The following MOXD1 variants were observed in gnomAD, a reference collection of about 807,000 sequenced individuals.
MOXD1 encodes the protein DBH-like monooxygenase protein 1.
Under a neutral mutation model 66.6 loss-of-function variants are expected in MOXD1, and 62 were observed. That is an observed-to-expected ratio of 0.93 (90% CI 0.76 to 1.15). MOXD1 has a LOEUF of 1.15. MOXD1 is among the 50% of genes most tolerant of loss of function. The pLI, the probability that MOXD1 is intolerant of heterozygous loss-of-function variation, is 0.00. For missense variants in MOXD1, 847 were observed against 754.6 expected, an observed-to-expected ratio of 1.12 and a Z score of -1.44; for synonymous variants, 303 against 281.9, an observed-to-expected ratio of 1.07 and a Z score of -0.75.
chr6:132,346,075 T>C (rs532614808), intron 4 of MOXD1, among the ~76,000 whole-genome samples: 143 of 152,184 alleles, frequency 9.4e-4, no homozygotes, highest in Middle Eastern at 3.4e-3. Flanking sequence ...GGGGGGATTT[T>C]TTTTAATGAT....
chr6:132,305,438 G>T (rs1316653454), intron 10 of MOXD1, among the ~76,000 whole-genome samples: 3 of 152,232 alleles, frequency 2.0e-5, no homozygotes, highest in Non-Finnish European at 4.4e-5. Context: ...CTTTCCTCCT[G>T]GTAGCTCTGA....
intron 4 of MOXD1, among the ~76,000 whole-genome samples, chr6:132,349,729 A>T (rs1469927178): frequency 1.3e-5 from 2 of 151,860 alleles, no homozygotes; most frequent in Non-Finnish European, 2.9e-5. Context: ...ACTAGTTTAC[A>T]TTCCCACCAG....
Position 132,397,636 on chromosome 6 carries a change from CAGAAAGAAAGAAAGAAAGAAAGAA to C in MOXD1, c.264+3503_264+3526del, listed in dbSNP as rs71759740. ...ACAGAGAGAGAGAGAGAGAGAGAGA[CAGAAAGAAAGAAAGAAAGAAAGAA>C]AGAAAGAAAGAAAGAAAGAAAGAAA... On this transcript the variant is annotated intron_variant, in intron 1 of 11. Coordinates refer to ENST00000367963, the MANE Select transcript of MOXD1 (RefSeq NM_015529.4). 4.3e-3 allele frequency among the ~76,000 whole-genome samples: 527 copies of C among 122,386 alleles called. 2 individuals are homozygous for C. Among genetic ancestry groups the C allele is most frequent in the East Asian group, 0.018 (81 of 4,584 alleles). The allele number at this position is 122,386 out of a possible 152,430, so 80.3% of individuals were successfully genotyped here. A position where few individuals can be genotyped will look rare whatever the true frequency, so the allele number is the denominator to read the frequency against.
At chr6:132,340,871 C>T (rs556656966) in intron 4 of MOXD1, among the ~76,000 whole-genome samples, 75 of 152,046 alleles carry the variant, frequency 4.9e-4, no homozygotes, top group Non-Finnish European at 9.9e-4. Context: ...TGGTCTCGAT[C>T]TCCTGACCTC....
chr6:132,314,025 C>A (rs1465498795), intron 10 of MOXD1, among the ~76,000 whole-genome samples: 3 of 152,130 alleles, frequency 2.0e-5, no homozygotes, highest in African/African-American at 7.2e-5. Context: ...TTAGAAAATT[C>A]TTCTCTATAT....
At chr6:132,318,061 G>A (rs1774996551) in intron 9 of MOXD1, among the ~76,000 whole-genome samples, 1 of 151,938 alleles carries the variant, frequency 6.6e-6, no homozygotes, top group South Asian at 2.1e-4. Flanking sequence ...ACTTTACACT[G>A]TTTCATTAAA....
chr6:132,398,867 A>C (rs1315621310), intron 1 of MOXD1, among the ~76,000 whole-genome samples: 1 of 139,968 alleles, frequency 7.1e-6, no homozygotes, highest in African/African-American at 2.7e-5. Flanking sequence ...TGAACCTGAG[A>C]GGTGAGGTTG....
intron 4 of MOXD1, among the ~76,000 whole-genome samples, chr6:132,347,580 G>A (rs1291529370): frequency 1.3e-5 from 2 of 152,046 alleles, no homozygotes; most frequent in Non-Finnish European, 2.9e-5. Flanking sequence ...GAGAGGCTGA[G>A]GCAGGAGAAT....
chr6:132,344,066 A>G (rs9493291), intron 4 of MOXD1, among the ~76,000 whole-genome samples: 44 of 152,234 alleles, frequency 2.9e-4, no homozygotes, highest in Admixed American at 1.0e-3. Context: ...TGTATAGACA[A>G]TTTCAGAAAA....
intron 10 of MOXD1, among the ~76,000 whole-genome samples, chr6:132,308,284 T>A (rs1007437416): frequency 6.6e-6 from 1 of 152,068 alleles, no homozygotes; most frequent in Admixed American, 6.5e-5. Flanking sequence ...AATGGGTAAG[T>A]TCCTGGACAC....
intron 1 of MOXD1, among the ~76,000 whole-genome samples, chr6:132,400,719 G>A (rs974281242): frequency 2.6e-5 from 4 of 152,072 alleles, no homozygotes; most frequent in Non-Finnish European, 5.9e-5. Flanking sequence ...CACGATTTGG[G>A]AAGTTCTGAG....
At chr6:132,368,917 T>C (rs1231450118) in intron 4 of MOXD1, among the ~76,000 whole-genome samples, 1 of 152,126 alleles carries the variant, frequency 6.6e-6, no homozygotes, top group African/African-American at 2.4e-5. Flanking sequence ...GATTTCCAAA[T>C]ACTTTCTTGT....
chr6:132,328,140 C>T (rs1273766427), intron 5 of MOXD1, 25 bp from the exon 6 acceptor site: 12 of 1,585,428 alleles, frequency 7.6e-6, no homozygotes, highest in Non-Finnish European at 9.5e-6. Context: ...TGCCATGAGA[C>T]AATGTCCTAT....
intron 4 of MOXD1, among the ~76,000 whole-genome samples, chr6:132,335,723 A>T (rs1775422745): frequency 6.6e-6 from 1 of 152,224 alleles, no homozygotes; most frequent in East Asian, 1.9e-4. Context: ...TTATTACAGC[A>T]GCCCTAGGAA....
At chr6:132,349,766 G>A (rs1005984376) in intron 4 of MOXD1, among the ~76,000 whole-genome samples, 2 of 151,376 alleles carry the variant, frequency 1.3e-5, no homozygotes, top group African/African-American at 2.4e-5. Flanking sequence ...CCTGATCACC[G>A]CATCCACACC....
Position 132,401,175 on chromosome 6 carries a change from C to T in MOXD1, c.252G>A (p.Arg84=). The change falls in exon 1 of 12, where the codon CGG becomes CGA. Residue 84 remains arginine (R), a synonymous_variant. Transcript: ENST00000367963. ...DIVVGGVAHG[R]PYLQDYFTNA... Reference sequence around the variant, plus strand: ...GAGACGCGCTTACCTGGAGGTAGGGCCGCCCGTGGGCCACCCCGCCCACGA... The same window carrying T: ...GAGACGCGCTTACCTGGAGGTAGGGTCGCCCGTGGGCCACCCCGCCCACGA... The T allele has an allele frequency of 2.0e-6, 3 of 1,527,558 alleles. No individual in the cohort carries two copies. Among genetic ancestry groups the T allele is most frequent in the Non-Finnish European group, 2.6e-6 (3 of 1,143,932 alleles). The allele number at this position is 1,527,558 out of a possible 1,614,324, so 94.6% of individuals were successfully genotyped here.
rs1374582986 is a variant in MOXD1 at position 132,370,198 on chromosome 6, A to G, written c.663+2410T>C. ...CTTAACTGATGGCTTTTCAAAACAT[A>G]GGAGTCTTTGATTTTATGGAAAGAA... On this transcript the variant is annotated intron_variant, in intron 4 of 11. Transcript: ENST00000367963. 3.3e-5 allele frequency among the ~76,000 whole-genome samples: 5 copies of G among 152,120 alleles called. No homozygotes were observed. In the East Asian group the frequency reaches 9.6e-4, roughly 29 times the overall value.
At chr6:132,352,956 T>C (rs983415815) in intron 4 of MOXD1, among the ~76,000 whole-genome samples, 10 of 152,204 alleles carry the variant, frequency 6.6e-5, no homozygotes, top group Non-Finnish European at 1.5e-4. Flanking sequence ...TAAGAATAGC[T>C]ACCCCTGCTT....
chr6:132,297,753 T>C, intron 11 of MOXD1, 34 bp downstream of exon 11: 3 of 1,554,296 alleles, frequency 1.9e-6, no homozygotes, highest in Non-Finnish European at 2.6e-6. Context: ...ATAAAATGTG[T>C]CATCTGGGTT....
Sources: allele counts gnomAD v4.1 joint callset (sites outside exome capture counted in the v4.1 genomes callset), GRCh38; gene constraint gnomAD v4.1.1; transcripts MANE v1.5; gene names NCBI Gene and HGNC (gene_info 2026-07-23, HGNC 2026-07-21).